Variants in SYNE1 observed in about 807,000 individuals in gnomAD.
SYNE1 encodes the protein spectrin repeat containing nuclear envelope protein 1, also known as nesprin-1.
Under a neutral mutation model 1,111.0 loss-of-function variants are expected in SYNE1, and 616 were observed. The observed-to-expected ratio is 0.55, with a 90% CI of 0.52 to 0.59. The LOEUF (loss-of-function observed/expected upper bound fraction) is 0.59, where lower values mean the gene tolerates loss of function less well. SYNE1 is among the 20% of genes least tolerant of loss of function. The pLI is 0.00. For synonymous variants in SYNE1, 3,855 were observed against 3,825.8 expected, an observed-to-expected ratio of 1.01 and a Z score of -0.28; for missense variants, 10,006 against 10,417.0, an observed-to-expected ratio of 0.96 and a Z score of 1.72.
At chr6:152,479,618 C>T (rs115371505) in intron 14 of SYNE1, among the ~76,000 whole-genome samples, 4,148 of 152,148 alleles carry the variant, frequency 0.027, 73 homozygotes, top group Non-Finnish European at 0.035. Flanking sequence ...ATCTCACATC[C>T]GTCATGTTAA....
At chr6:152,271,594 G>C (rs1386215277) in intron 98 of SYNE1, among the ~76,000 whole-genome samples, 2 of 152,188 alleles carry the variant, frequency 1.3e-5, no homozygotes, top group African/African-American at 2.4e-5. Flanking sequence ...TTGGGTGGAT[G>C]GGCATTCTCC....
Position 152,334,046 on chromosome 6 carries a change from G to A in SYNE1, c.12756C>T (p.Phe4252=). Residue 4252 remains phenylalanine (F), a synonymous_variant, in exon 77 of 146, where the codon TTC becomes TTT. Transcript: ENST00000367255. Reference sequence around the variant, plus strand: ...CCCATTCTGTAGTAAATTTTTCTAGGAACACTTCAACAACATTCATACAGT... The same window carrying A: ...CCCATTCTGTAGTAAATTTTTCTAGAAACACTTCAACAACATTCATACAGT... ...YHDCMNVVEV[F]LEKFTTEWDN... The A allele has an allele frequency of 1.2e-6, 2 of 1,614,074 alleles. No homozygotes were observed. Among genetic ancestry groups the A allele is most frequent in the South Asian group, 2.2e-5 (2 of 91,064 alleles).
At chr6:152,509,463 G>A (rs1271613051) in intron 8 of SYNE1, among the ~76,000 whole-genome samples, 1 of 151,946 alleles carries the variant, frequency 6.6e-6, no homozygotes, top group Non-Finnish European at 1.5e-5. Flanking sequence ...CACCAGATTG[G>A]CCAGGCTGGT....
chr6:152,260,678 T>G lies in SYNE1; in HGVS notation c.18972+1354A>C, dbSNP rs180689232. ...ACCTTCAGACCAGCGATCCCCAACC[T>G]TTTTGGCACCAGGGGTTGGTTTCTC... On this transcript the variant is annotated intron_variant, in intron 101 of 145. Coordinates refer to ENST00000367255, the MANE Select transcript of SYNE1 (RefSeq NM_182961.4). 6.8e-3 allele frequency among the ~76,000 whole-genome samples: 1,025 copies of G among 150,962 alleles called. 12 individuals carry two copies. Among genetic ancestry groups the G allele is most frequent in the African/African-American group, 0.024 (966 of 41,064 alleles).
chr6:152,278,125 C>T lies in SYNE1; in HGVS notation c.18537G>A (p.Leu6179=), dbSNP rs1376698883. The change falls in exon 98 of 146, where the codon CTG becomes CTA. Residue 6179 remains leucine (L), a synonymous_variant. Transcript: ENST00000367255. ...GCTGCTTATCATGCAGGGCTCTCTG[C>T]AGCTCCAGCAGGCTCCCCTTGAGCC... ...LRRLKGSLLE[L]QRALHDKQLN... The T allele has an allele frequency of 6.2e-7, 1 of 1,614,072 alleles. No homozygotes were observed. Among genetic ancestry groups the T allele is most frequent in the African/African-American group, 1.3e-5 (1 of 75,060 alleles).
chr6:152,157,873 C>G (rs973648086), intron 131 of SYNE1, among the ~76,000 whole-genome samples: 1 of 151,974 alleles, frequency 6.6e-6, no homozygotes, highest in African/African-American at 2.4e-5. Flanking sequence ...ATTCTCCTGC[C>G]TCAGCCTCCT....
intron 29 of SYNE1, among the ~76,000 whole-genome samples, chr6:152,445,272 A>G (rs1028792301): frequency 1.3e-5 from 2 of 152,086 alleles, no homozygotes; most frequent in African/African-American, 2.4e-5. Context: ...GAGTTGAAAA[A>G]GAGAATAAAA....
intron 124 of SYNE1, among the ~76,000 whole-genome samples, chr6:152,208,708 CTG>C (rs934469440): frequency 6.6e-6 from 1 of 152,216 alleles, no homozygotes; most frequent in Non-Finnish European, 1.5e-5. Flanking sequence ...TTTTTAAAAA[CTG>C]TACTCCATAA....
At chr6:152,186,276 A>G (rs957261121) in intron 128 of SYNE1, among the ~76,000 whole-genome samples, 9 of 151,930 alleles carry the variant, frequency 5.9e-5, no homozygotes, top group Admixed American at 2.0e-4. Flanking sequence ...AGAAGGGAAG[A>G]CCGGGCACGG....
Position 152,581,147 on chromosome 6 carries a change from G to A in SYNE1, c.68-41126C>T, listed in dbSNP as rs564822063. On this transcript the variant is annotated intron_variant, in intron 3 of 145. Transcript: ENST00000367255. The stretch of plus-strand genomic sequence containing the variant: ...TGCAAAGACCTGCTTCCCTGAGAAT[G>A]CCCTCAACATAGCACTGACAGCTCT... Among the ~76,000 whole-genome samples, 6 of 152,312 alleles carry A rather than the reference G, an allele frequency of 3.9e-5. No homozygotes were observed. In the East Asian group the frequency reaches 1.2e-3, roughly 29 times the overall value.
chr6:152,266,838 T>C (rs1589053054), intron 100 of SYNE1, among the ~76,000 whole-genome samples: 1 of 152,322 alleles, frequency 6.6e-6, no homozygotes, highest in Non-Finnish European at 1.5e-5. Flanking sequence ...TGTGTGTATA[T>C]GTAACAGACT....
rs768439300 is a variant in SYNE1 at position 152,334,060 on chromosome 6, C to T, written c.12742G>A (p.Val4248Ile). 1.2e-6 allele frequency: 2 copies of T among 1,614,056 alleles called. No individual in the cohort carries two copies. The highest frequency in any genetic ancestry group is 2.7e-5 in the African/African-American group (2 of 74,920). ...AATTTTTCTAGGAACACTTCAACAA[C>T]ATTCATACAGTCATGGTAATCTCTT... ...RTRDYHDCMN[V>I]VEVFLEKFTT... The change falls in exon 77 of 146, where the codon GTT (valine) becomes ATT (isoleucine). Residue 4248 changes from valine (V) to isoleucine (I), a missense_variant. Physicochemically the swap from Val to Ile is conservative, Grantham distance 29. Coordinates refer to ENST00000367255, the MANE Select transcript of SYNE1 (RefSeq NM_182961.4).
Position 152,233,766 on chromosome 6 carries a change from C to T in SYNE1, c.20712+15G>A, listed in dbSNP as rs1192075547. ...TTAAGTCAGCTATTTCCCACGAAAGCAATCCTTTCTGTACCTGGTGGAGCT... is the reference window on the plus strand; with the variant it reads ...TTAAGTCAGCTATTTCCCACGAAAGTAATCCTTTCTGTACCTGGTGGAGCT... On this transcript the variant is annotated intron_variant, in intron 112 of 145. Coordinates refer to ENST00000367255, the MANE Select transcript of SYNE1 (RefSeq NM_182961.4). 1.9e-6 allele frequency: 3 copies of T among 1,614,020 alleles called. No homozygotes were observed. Among genetic ancestry groups the T allele is most frequent in the Non-Finnish European group, 2.5e-6 (3 of 1,180,028 alleles).
chr6:152,351,103 C>T (rs1035998062), intron 70 of SYNE1, among the ~76,000 whole-genome samples: 3 of 152,134 alleles, frequency 2.0e-5, no homozygotes, highest in Admixed American at 1.3e-4. Flanking sequence ...ATAAAAAGGC[C>T]ACTATCTTTT....
chr6:152,225,751 G>C lies in SYNE1; in HGVS notation c.21321C>G (p.Leu7107=), dbSNP rs751042137. 5 of 1,613,954 alleles carry C rather than the reference G, an allele frequency of 3.1e-6. No homozygotes were observed. The highest frequency in any genetic ancestry group is 4.2e-6 in the Non-Finnish European group (5 of 1,180,002). ...SSIVMSTLRE[L]GQTWANLDHM... ...GATCTAAATTTGCCCAGGTTTGGCC[G>C]AGCTCTCGCAGTGTGCTCATGACAA... The change falls in exon 116 of 146, where the codon CTC becomes CTG. Residue 7107 remains leucine (L), a synonymous_variant. Transcript: ENST00000367255.
At chr6:152,479,275 A>G (rs1474248691) in intron 14 of SYNE1, among the ~76,000 whole-genome samples, 1 of 152,132 alleles carries the variant, frequency 6.6e-6, no homozygotes, top group South Asian at 2.1e-4. Flanking sequence ...TATGACATGC[A>G]TTGTCATCCA....
rs371404591 is a variant in SYNE1, at chr6:152,274,386, T to C, written c.18573+3703A>G. On this transcript the variant is annotated intron_variant, in intron 98 of 145. Coordinates refer to ENST00000367255, the MANE Select transcript of SYNE1 (RefSeq NM_182961.4). Reference sequence around the variant, plus strand: ...TTCATATCTTTTGTCCATATTCTATTATTTGATCTTTCCTTATTGTTTTAC... The same window carrying C: ...TTCATATCTTTTGTCCATATTCTATCATTTGATCTTTCCTTATTGTTTTAC... 2.6e-5 allele frequency among the ~76,000 whole-genome samples: 4 copies of C among 152,320 alleles called. No individual in the cohort carries two copies. In the East Asian group the frequency reaches 7.7e-4, roughly 29 times the overall value.
chr6:152,381,525 C>T (rs1430864089), intron 55 of SYNE1, 163 bp from the exon 56 acceptor site: 9 of 746,864 alleles, frequency 1.2e-5, no homozygotes, highest in African/African-American at 6.9e-5. Flanking sequence ...ATTATAATAG[C>T]GGGAGTTGTC....
At chr6:152,566,729 T>C (rs1014190749) in intron 3 of SYNE1, among the ~76,000 whole-genome samples, 2 of 152,156 alleles carry the variant, frequency 1.3e-5, no homozygotes, top group African/African-American at 2.4e-5. Context: ...GAGCTTGGCC[T>C]GACTCAAATA....
Sources: allele counts gnomAD v4.1 joint callset (sites outside exome capture counted in the v4.1 genomes callset), GRCh38; gene constraint gnomAD v4.1.1; transcripts MANE v1.5; gene names NCBI Gene and HGNC (gene_info 2026-07-23, HGNC 2026-07-21).